BAZ2A: variants seen among roughly 807,000 people sequenced by gnomAD.
The protein encoded by BAZ2A is bromodomain adjacent to zinc finger domain 2A.
BAZ2A carries 34 observed loss-of-function variants against 199.9 expected under a neutral mutation model. The ratio of observed to expected loss-of-function variants is 0.17; its 90% confidence interval spans 0.13 to 0.23. The LOEUF (loss-of-function observed/expected upper bound fraction) is 0.23, where lower values mean the gene tolerates loss of function less well. Among genes scored for constraint, BAZ2A ranks in the 10% least tolerant of loss-of-function variants. The pLI, the probability that BAZ2A is intolerant of heterozygous loss-of-function variation, is 1.00. For missense variants in BAZ2A, 2,002 were observed against 2,391.1 expected, an observed-to-expected ratio of 0.84 and a Z score of 3.39; for synonymous variants, 857 against 883.9, an observed-to-expected ratio of 0.97 and a Z score of 0.54.
rs1372917130 is a variant in BAZ2A, at chr12:56,630,273, C to T, written c.-151G>A. The T allele has an allele frequency of 5.1e-6, 5 of 984,360 alleles. No homozygotes were observed. Among genetic ancestry groups the T allele is most frequent in the Non-Finnish European group, 6.0e-6 (5 of 828,956 alleles). 61.0% of individuals were successfully genotyped at this position (984,360 alleles called of 1,614,324 possible). A position where few individuals can be genotyped will look rare whatever the true frequency, so the allele number is the denominator to read the frequency against. ...CGGGGTTCGGGAAGGGGGAGGGGGA[C>T]GCGGCTCAACCGCGGGGCCCGAGAG... On this transcript the variant is annotated 5_prime_UTR_variant, in exon 1 of 29. Coordinates refer to ENST00000549884, the MANE Select transcript of BAZ2A (RefSeq NM_001300905.2).
upstream of BAZ2A, chr12:56,638,277 T>C (rs1951485459): frequency 2.0e-6 from 3 of 1,521,830 alleles, no homozygotes; most frequent in Non-Finnish European, 1.8e-6. Context: ...ATGAAGCTTT[T>C]TGGGTTAGGG....
Position 56,598,018 on chromosome 12 carries a change from A to G in BAZ2A, c.*600T>C, listed in dbSNP as rs1006938783. On this transcript the variant is annotated 3_prime_UTR_variant, in exon 29 of 29. Coordinates refer to ENST00000549884, the MANE Select transcript of BAZ2A (RefSeq NM_001300905.2). ...AGGAACCCGTACACGATAGTTTTAC[A>G]TTATTGGATGAGAGAAAATCTGAAA... The G allele has an allele frequency of 9.5e-5, 14 of 146,672 alleles. No individual in the cohort carries two copies. The highest frequency in any genetic ancestry group is 3.5e-4 in the African/African-American group (14 of 40,292). The allele number at this position is 146,672 out of a possible 1,614,324, so 9.1% of individuals were successfully genotyped here.
intron 1 of BAZ2A, chr12:56,621,139 T>C: frequency 1.0e-6 from 1 of 985,376 alleles, no homozygotes; most frequent in Non-Finnish European, 1.2e-6. Flanking sequence ...GGAGGATACA[T>C]GCAACTTCCA....
At chr12:56,624,053 T>C (rs918065728) in intron 1 of BAZ2A, among the ~76,000 whole-genome samples, 5 of 151,378 alleles carry the variant, frequency 3.3e-5, no homozygotes, top group Admixed American at 1.3e-4. Context: ...AAGACTGGCC[T>C]GCGCAACACA....
Position 56,604,755 on chromosome 12 carries a change from T to C in BAZ2A, c.2793A>G (p.Thr931=). Residue 931 remains threonine, a synonymous_variant, in exon 15 of 29, where the codon ACA becomes ACG. Coordinates refer to ENST00000549884, the MANE Select transcript of BAZ2A (RefSeq NM_001300905.2). ...LGEKVSEIPL[T]RDNVSEILRC... is the part of the protein sequence containing the mutation. ...GCAGGATCTCTGACACATTGTCTCT[T>C]GTCAGTGGGATCTCAGACACCTTCT... 6.2e-7 allele frequency: 1 copy of C among 1,613,926 alleles called. No individual in the cohort carries two copies. Among genetic ancestry groups the C allele is most frequent in the Non-Finnish European group, 8.5e-7 (1 of 1,179,888 alleles).
In BAZ2A at chr12:56,599,282, T is replaced by C. The variant is rs1236661627; in HGVS notation, c.5249A>G (p.Asn1750Ser). 6.2e-7 allele frequency: 1 copy of C among 1,613,568 alleles called. No individual in the cohort carries two copies. Among genetic ancestry groups the C allele is most frequent in the Non-Finnish European group, 8.5e-7 (1 of 1,179,830 alleles). The change falls in exon 27 of 29, where the codon AAC (asparagine) becomes AGC (serine). Residue 1750 changes from asparagine (N) to serine (S), a missense_variant. This residue lies in a region of BAZ2A where 122 missense variants were observed against 123.0 expected (regional missense o/e 0.99). Coordinates refer to ENST00000549884, the MANE Select transcript of BAZ2A (RefSeq NM_001300905.2). ...GQKRKSGYSLNFSEGDGRRRR... is the reference protein window; with the variant it reads ...GQKRKSGYSLSFSEGDGRRRR... ...TCGGCGGCCATCACCCTCTGAGAAG[T>C]TCAGCGAATAACCACTTTTCCGCTT...
At chr12:56,599,385 G>A in intron 26 of BAZ2A, 27 bp from the exon 27 acceptor site, 3 of 1,596,194 alleles carry the variant, frequency 1.9e-6, no homozygotes, top group Non-Finnish European at 2.6e-6. Flanking sequence ...GGTGAGATTA[G>A]CAACAGCTGG....
At chr12:56,611,670 CA>C in intron 6 of BAZ2A, 37 bp from the exon 7 acceptor site, 1 of 1,572,960 alleles carries the variant, frequency 6.4e-7, no homozygotes, top group African/African-American at 1.4e-5. Flanking sequence ...AGAGTTCAAG[CA>C]AAATATTTAA....
At position 56,612,641 on chromosome 12, in the gene BAZ2A, G is replaced by A. The variant is rs1470009573; in HGVS notation, c.1135+374C>T. Among the ~76,000 whole-genome samples the A allele has an allele frequency of 4.6e-5, 7 of 151,330 alleles. 1 individual carries two copies. Among genetic ancestry groups the A allele is most frequent in the Admixed American group, 1.3e-4 (2 of 15,232 alleles). ...GCTCTTGCTTTCCTACTTTTTTTTT[G>A]AGATGGAGTCTTGCTCTGTTGCCCA... On this transcript the variant is annotated intron_variant, in intron 5 of 28. Transcript: ENST00000549884.
rs949618369 is a variant in BAZ2A at position 56,615,203 on chromosome 12, G to A, written c.541C>T (p.Pro181Ser). The change falls in exon 3 of 29, where the codon CCC becomes TCC. Residue 181 changes from proline (P) to serine (S), a missense_variant. Pro to Ser is a moderately conservative substitution (Grantham distance 74). This residue lies in a region of BAZ2A where 641 missense variants were observed against 694.5 expected (regional missense o/e 0.92). Transcript: ENST00000549884. ...TGTGGGGAGGTGAAAAAACTAGGGG[G>A]TCCATTGGGCATCACCTCAAAATTC... is the stretch of plus-strand genomic sequence containing the variant. ...DQNFEVMPNG[P>S]PSFFTSPQTS... 1.9e-6 allele frequency: 3 copies of A among 1,613,734 alleles called. No individual in the cohort carries two copies. Among genetic ancestry groups the A allele is most frequent in the Non-Finnish European group, 2.5e-6 (3 of 1,179,800 alleles).
upstream of BAZ2A, chr12:56,638,058 C>T: frequency 2.7e-6 from 1 of 368,492 alleles, no homozygotes; most frequent in Non-Finnish European, 4.9e-6. Context: ...GATCTCGAGC[C>T]CAGGAGTTAG....
chr12:56,620,563 C>CTTTTTTTTTTTTTTTTTTT (rs11367195), intron 1 of BAZ2A, among the ~76,000 whole-genome samples: 1 of 144,426 alleles, frequency 6.9e-6, no homozygotes, highest in African/African-American at 2.6e-5. Flanking sequence ...CCAGGATTTC[C>CTTTTTTTTTTTTTTTTTTT]TTTTTTTTTT....
At chr12:56,610,318 T>C in intron 8 of BAZ2A, 91 bp downstream of exon 8, 1 of 1,569,954 alleles carries the variant, frequency 6.4e-7, no homozygotes, top group Non-Finnish European at 8.8e-7. Flanking sequence ...AATGCCAGCC[T>C]GTTGTCACTG....
chr12:56,631,001 T>C (rs980738745), upstream of BAZ2A: 13 of 449,090 alleles, frequency 2.9e-5, no homozygotes, highest in African/African-American at 2.8e-4. Flanking sequence ...CCACCCATTC[T>C]ATGGTTCTGG....
upstream of BAZ2A, among the ~76,000 whole-genome samples, chr12:56,631,498 C>T (rs1195875560): frequency 1.3e-5 from 2 of 150,202 alleles, no homozygotes; most frequent in Non-Finnish European, 3.0e-5. Context: ...TCTCCTTCAT[C>T]AAATGAAGAA....
At position 56,600,684 on chromosome 12, in the gene BAZ2A, A is replaced by C. The variant is rs1316060441; in HGVS notation, c.4599T>G (p.Ile1533Met). The change falls in exon 23 of 29, where the codon ATT (isoleucine) becomes ATG (methionine). Residue 1533 changes from isoleucine to methionine, a missense_variant. This residue lies in a region of BAZ2A where 1,081 missense variants were observed against 1,274.7 expected (regional missense o/e 0.85). Coordinates refer to ENST00000549884, the MANE Select transcript of BAZ2A (RefSeq NM_001300905.2). ...EQRVIMSDLQ[I>M]RGWTCPSPDS... The stretch of plus-strand genomic sequence containing the variant: ...CACAGTGCCAATCCCAGCATACCCG[A>C]ATCTGCAGATCAGACATGATAACCC... 1 of 1,612,634 alleles carries C rather than the reference A, an allele frequency of 6.2e-7. No homozygotes were observed. Among genetic ancestry groups the C allele is most frequent in the Non-Finnish European group, 8.5e-7 (1 of 1,179,634 alleles).
intron 1 of BAZ2A, among the ~76,000 whole-genome samples, chr12:56,619,125 C>T (rs1950821275): frequency 6.6e-6 from 1 of 151,922 alleles, no homozygotes; most frequent in Non-Finnish European, 1.5e-5. Context: ...TGGCGGATCA[C>T]CTGAGGTCAG....
rs534409842 is a variant in BAZ2A, at chr12:56,624,630, A to C, written c.-3+5495T>G. Among the ~76,000 whole-genome samples the C allele has an allele frequency of 4.4e-3, 665 of 152,202 alleles. 6 individuals are homozygous for C. The highest frequency in any genetic ancestry group is 0.015 in the African/African-American group (633 of 41,540). On this transcript the variant is annotated intron_variant, in intron 1 of 28. Transcript: ENST00000549884. ...TTTTCAGAGAACAAAAAAAAAAAAA[A>C]AAAACTCAGCTTCATTCTTCACAGA...
At chr12:56,610,586 G>A (rs921248608) in intron 7 of BAZ2A, 69 bp from the exon 8 acceptor site, 9 of 1,415,002 alleles carry the variant, frequency 6.4e-6, no homozygotes, top group Middle Eastern at 1.8e-4. Flanking sequence ...ACCTAAGCGC[G>A]AAGCCCTCTG....
Sources: gnomAD v4.1 joint callset for allele counts (sites outside exome capture counted in the v4.1 genomes callset) on GRCh38, gnomAD v4.1.1 for gene constraint, gnomAD v4.1.1 regional missense constraint, MANE v1.5 for transcripts, NCBI Gene and HGNC (gene_info 2026-07-23, HGNC 2026-07-21) for gene names.